Variants in SLC16A5 observed in about 807,000 individuals in gnomAD.
The protein encoded by SLC16A5 is solute carrier family 16 member 5, also known as monocarboxylate transporter 6.
In SLC16A5, 29 loss-of-function variants were observed where a neutral mutation model predicts 33.2. The ratio of observed to expected loss-of-function variants is 0.87; its 90% CI spans 0.65 to 1.19. SLC16A5 has a LOEUF of 1.19. Among genes scored for constraint, SLC16A5 ranks in the 50% most tolerant of loss-of-function variants. The probability of loss-of-function intolerance (pLI) is 0.00; values close to 1 mark genes in which losing one functional copy is unlikely to be tolerated. For missense variants in SLC16A5, 606 were observed against 678.2 expected (o/e 0.89, Z 1.18); for synonymous variants, 248 against 284.1 (o/e 0.87, Z 1.28).
rs773051386 is a variant in SLC16A5, at chr17:75,104,003, A to G, written c.1187A>G (p.Tyr396Cys). The change falls in exon 6 of 7, where the codon TAT (tyrosine) becomes TGT (cysteine). Residue 396 changes from tyrosine (Y) to cysteine (C), a missense_variant. Tyr to Cys is a radical substitution (Grantham distance 194). Coordinates refer to ENST00000329783, the MANE Select transcript of SLC16A5 (RefSeq NM_004695.4). ...CTGGACGCCACCAACAACTTTAGCT[A>G]TGTTTTCTACATGTCCAGCTTCTTC... ...LLLDATNNFS[Y>C]VFYMSSFFLI... is the part of the protein sequence containing the mutation. The G allele has an allele frequency of 2.5e-6, 4 of 1,614,194 alleles. No homozygotes were observed. Among genetic ancestry groups the G allele is most frequent in the Admixed American group, 1.7e-5 (1 of 60,016 alleles).
rs376993136 is a variant in SLC16A5 at position 75,098,173 on chromosome 17, T to C, written c.335T>C (p.Phe112Ser). The C allele has an allele frequency of 3.1e-6, 5 of 1,612,932 alleles. No homozygotes were observed. In the African/African-American group the frequency reaches 5.3e-5, roughly 17 times the overall value. ...AGCCAGCTCTACTTCACAGCAGGAT[T>C]CATCACAGGTGACTATCACTTCATC... ...NLSQLYFTAG[F>S]ITGLGMCFSF... The change falls in exon 4 of 7, where the codon TTC (phenylalanine) becomes TCC (serine). Residue 112 changes from phenylalanine to serine, a missense_variant. Transcript: ENST00000329783.
chr17:75,099,999 C>A lies in SLC16A5; in HGVS notation c.344-8C>A, dbSNP rs1314754358. 1 of 1,602,856 alleles carries A rather than the reference C, an allele frequency of 6.2e-7. No individual in the cohort carries two copies. Among genetic ancestry groups the A allele is most frequent in the Non-Finnish European group, 8.5e-7 (1 of 1,176,096 alleles). ...GCCTCCAGGCTGGTTTCCCCTCTTG[C>A]CCCGCAGGCCTGGGCATGTGCTTCA... is the stretch of plus-strand genomic sequence containing the variant. On this transcript the variant is annotated splice_region_variant and splice_polypyrimidine_tract_variant and intron_variant, in intron 4 of 6. Transcript: ENST00000329783.
intron 2 of SLC16A5, among the ~76,000 whole-genome samples, chr17:75,092,028 G>GGTGTGTGTGTGTGTGT (rs535726400): frequency 1.3e-5 from 2 of 149,604 alleles, no homozygotes; most frequent in South Asian, 2.1e-4. Flanking sequence ...ATGTGAGGGG[G>GGTGTGTGTGTGTGTGT]GTGTGTGTGT....
intron 5 of SLC16A5, among the ~76,000 whole-genome samples, chr17:75,103,178 C>T (rs924740616): frequency 2.0e-5 from 3 of 151,386 alleles, no homozygotes; most frequent in African/African-American, 4.9e-5. Flanking sequence ...TGTGAGCCAC[C>T]GCTCCCTGCC....
At position 75,104,442 on chromosome 17, in the gene SLC16A5, G is replaced by A. The variant is rs985844002; in HGVS notation, c.1364+262G>A. ...TTTTTTTTTTTTTTTTTTTTGAGGC[G>A]GAGTTTCACTCTTGTTGCCCAGGCT... On this transcript the variant is annotated intron_variant, in intron 6 of 6. Coordinates refer to ENST00000329783, the MANE Select transcript of SLC16A5 (RefSeq NM_004695.4). 9.9e-6 allele frequency: 12 copies of A among 1,213,628 alleles called. No individual in the cohort carries two copies. In the East Asian group the frequency reaches 1.8e-4, roughly 18 times the overall value. The allele number at this position is 1,213,628 out of a possible 1,614,324, so 75.2% of individuals were successfully genotyped here. A position where few individuals can be genotyped will look rare whatever the true frequency, so the allele number is the denominator to read the frequency against.
intron 3 of SLC16A5, among the ~76,000 whole-genome samples, chr17:75,096,825 CA>C (rs2073725374): frequency 6.9e-6 from 1 of 144,554 alleles, no homozygotes; most frequent in Non-Finnish European, 1.5e-5. Flanking sequence ...AGCCACCACG[CA>C]TGGCCACTCC....
At chr17:75,092,028 G>GGTGTGTGTGTGTGTGTGTGT (rs535726400) in intron 2 of SLC16A5, among the ~76,000 whole-genome samples, 1 of 149,606 alleles carries the variant, frequency 6.7e-6, no homozygotes, top group Non-Finnish European at 1.5e-5. Flanking sequence ...ATGTGAGGGG[G>GGTGTGTGTGTGTGTGTGTGT]GTGTGTGTGT....
chr17:75,100,530 C>T lies in SLC16A5; in HGVS notation c.867C>T (p.Pro289=), dbSNP rs536631075. 9 of 1,614,242 alleles carry T rather than the reference C, an allele frequency of 5.6e-6. No homozygotes were observed. In the African/African-American group the frequency reaches 9.3e-5, roughly 17 times the overall value. ...GCTTCAGCAACATCTTCCTGAGGCCCCTAGCCGGGCTGATGGCAGGACGGC... is the reference window on the plus strand; with the variant it reads ...GCTTCAGCAACATCTTCCTGAGGCCTCTAGCCGGGCTGATGGCAGGACGGC... ...IIGFSNIFLR[P]LAGLMAGRPA... The change falls in exon 5 of 7, where the codon CCC becomes CCT. Residue 289 remains proline (P), a synonymous_variant. Transcript: ENST00000329783.
In SLC16A5 at chr17:75,093,627, G is replaced by A. The variant is rs570428395; in HGVS notation, c.-10G>A. On this transcript the variant is annotated 5_prime_UTR_variant, in exon 3 of 7. Transcript: ENST00000329783. ...TGGCAGTGAGGCCGTGGCAGCGTCGGCAGCAGAGGATGCCCCAGGCCCTGG... is the reference window on the plus strand; with the variant it reads ...TGGCAGTGAGGCCGTGGCAGCGTCGACAGCAGAGGATGCCCCAGGCCCTGG... 1.4e-5 allele frequency: 22 copies of A among 1,605,394 alleles called. No homozygotes were observed. The South Asian group carries it at 2.3e-4, about 17-fold the overall frequency.
intron 1 of SLC16A5, among the ~76,000 whole-genome samples, chr17:75,088,373 C>G (rs893052268): frequency 2.0e-5 from 3 of 152,200 alleles, no homozygotes; most frequent in Non-Finnish European, 2.9e-5. Flanking sequence ...CGGGGCAGCA[C>G]TGCGGGGATG....
chr17:75,093,605 C>T lies in SLC16A5; in HGVS notation c.-32C>T, dbSNP rs368251150. 7.5e-6 allele frequency: 12 copies of T among 1,593,174 alleles called. No individual in the cohort carries two copies. The African/African-American group carries it at 1.1e-4, about 14-fold the overall frequency. On this transcript the variant is annotated 5_prime_UTR_variant, in exon 3 of 7. The change creates a premature stop within an existing upstream ORF in the 5' untranslated region. Coordinates refer to ENST00000329783, the MANE Select transcript of SLC16A5 (RefSeq NM_004695.4). ...CCTCCCCAGGCAGCAGCCACATTGGCAGTGAGGCCGTGGCAGCGTCGGCAG... is the reference window on the plus strand; with the variant it reads ...CCTCCCCAGGCAGCAGCCACATTGGTAGTGAGGCCGTGGCAGCGTCGGCAG...
rs745939001 is a variant in SLC16A5 at position 75,100,066 on chromosome 17, C to T, written c.403C>T (p.Arg135Cys). The T allele has an allele frequency of 1.4e-4, 218 of 1,613,330 alleles. No individual in the cohort carries two copies. The highest frequency in any genetic ancestry group is 1.7e-4 in the Non-Finnish European group (205 of 1,179,924). ...SITVLGFYFV[R>C]RRVLANALAS... Reference sequence around the variant, plus strand: ...CACGGTGCTGGGCTTCTACTTTGTCCGCCGGCGGGTGCTGGCCAACGCGCT... The same window carrying T: ...CACGGTGCTGGGCTTCTACTTTGTCTGCCGGCGGGTGCTGGCCAACGCGCT... Residue 135 changes from arginine (R) to cysteine (C), a missense_variant, in exon 5 of 7, where the codon CGC becomes TGC. Arg to Cys is a radical substitution (Grantham distance 180). Coordinates refer to ENST00000329783, the MANE Select transcript of SLC16A5 (RefSeq NM_004695.4).
At chr17:75,106,256 C>G (rs1046126968), downstream of SLC16A5, 6 of 371,618 alleles carry the variant, frequency 1.6e-5, no homozygotes, top group Non-Finnish European at 2.4e-5. Flanking sequence ...TGGCTCCCCA[C>G]CCAGTCTTAC....
intron 1 of SLC16A5, 32 bp downstream of exon 1, chr17:75,088,076 G>GA (rs2144971390): frequency 6.6e-6 from 1 of 152,504 alleles, no homozygotes; most frequent in Non-Finnish European, 1.5e-5. Context: ...CACTGCCTCG[G>GA]ACGCGTCCCC....
rs757384518 is a variant in SLC16A5, at chr17:75,103,971, G to C, written c.1155G>C (p.Gly385=). ...CCTAACTTGATCTCTGTTCCCCAGGGTTGCTCCTGGACGCCACCAACAACT... is the reference window on the plus strand; with the variant it reads ...CCTAACTTGATCTCTGTTCCCCAGGCTTGCTCCTGGACGCCACCAACAACT... The part of the protein sequence containing the change: ...LAFLISPPLA[G]LLLDATNNFS... Residue 385 remains glycine, a splice_region_variant and synonymous_variant, in exon 6 of 7, where the codon GGG becomes GGC. Coordinates refer to ENST00000329783, the MANE Select transcript of SLC16A5 (RefSeq NM_004695.4). The C allele has an allele frequency of 5.6e-6, 9 of 1,613,854 alleles. No homozygotes were observed. The highest frequency in any genetic ancestry group is 6.8e-6 in the Non-Finnish European group (8 of 1,179,756).
At chr17:75,092,452 G>GT in intron 2 of SLC16A5, among the ~76,000 whole-genome samples, 1 of 151,864 alleles carries the variant, frequency 6.6e-6, no homozygotes, top group Admixed American at 6.6e-5. Context: ...CGCCTCCTGG[G>GT]TTCAAGCGAT....
chr17:75,106,696 A>C (rs964987673), downstream of SLC16A5, among the ~76,000 whole-genome samples: 15 of 151,854 alleles, frequency 9.9e-5, no homozygotes, highest in Non-Finnish European at 1.8e-4. Context: ...GGAGTTCAAG[A>C]CCAGCCTGGC....
downstream of SLC16A5, among the ~76,000 whole-genome samples, chr17:75,106,867 C>T (rs2073868167): frequency 6.6e-6 from 1 of 151,806 alleles, no homozygotes; most frequent in South Asian, 2.1e-4. Context: ...TGCACTACAG[C>T]CTGGGTGATG....
rs772642730 is a variant in SLC16A5 at position 75,099,983 on chromosome 17, C to T, written c.344-24C>T. The T allele has an allele frequency of 1.8e-5, 28 of 1,592,512 alleles. No individual in the cohort carries two copies. In the East Asian group the frequency reaches 4.0e-4, roughly 23 times the overall value. On this transcript the variant is annotated intron_variant, in intron 4 of 6. Coordinates refer to ENST00000329783, the MANE Select transcript of SLC16A5 (RefSeq NM_004695.4). Reference sequence around the variant, plus strand: ...TGGAAGGCCCCAGTGCGCCTCCAGGCTGGTTTCCCCTCTTGCCCCGCAGGC... The same window carrying T: ...TGGAAGGCCCCAGTGCGCCTCCAGGTTGGTTTCCCCTCTTGCCCCGCAGGC...
Sources: gnomAD v4.1 joint callset for allele counts (sites outside exome capture counted in the v4.1 genomes callset) on GRCh38, gnomAD v4.1.1 for gene constraint, MANE v1.5 for transcripts, NCBI Gene and HGNC (gene_info 2026-07-23, HGNC 2026-07-21) for gene names.